RALA: variants seen among roughly 807,000 people sequenced by gnomAD.
RALA encodes the protein RAS like proto-oncogene A.
A neutral mutation model predicts 24.0 loss-of-function variants in RALA; 5 were observed. The ratio of observed to expected loss-of-function variants is 0.21; its 90% CI spans 0.11 to 0.44. The LOEUF is 0.44. Among genes scored for constraint, RALA ranks in the 20% least tolerant of loss-of-function variants. The pLI is 0.99. For missense variants in RALA, 95 were observed against 241.2 expected, an observed-to-expected ratio of 0.39 and a Z score of 4.01; for synonymous variants, 77 against 83.8, an observed-to-expected ratio of 0.92 and a Z score of 0.44.
At position 39,707,926 on chromosome 7, in the gene RALA, T is replaced by C. The variant is rs528761208; in HGVS notation, c.*1681T>C. On this transcript the variant is annotated 3_prime_UTR_variant, in exon 5 of 5. Transcript: ENST00000005257. ...GCCCAGCAATCTCCATGTGTACTTA[T>C]TACAGTCTTATTTAACCAGGGGTCC... 9 of 152,784 alleles carry C rather than the reference T, an allele frequency of 5.9e-5. No individual in the cohort carries two copies. In the East Asian group the frequency reaches 7.7e-4, roughly 13 times the overall value. 9.5% of individuals were successfully genotyped at this position (152,784 alleles called of 1,614,324 possible).
At chr7:39,694,975 C>G (rs1792893058) in intron 3 of RALA, among the ~76,000 whole-genome samples, 2 of 151,752 alleles carry the variant, frequency 1.3e-5, no homozygotes, top group African/African-American at 4.8e-5. Flanking sequence ...AAGAGAATTG[C>G]TTGAGCCCAG....
intron 1 of RALA, among the ~76,000 whole-genome samples, chr7:39,651,966 A>G (rs1451770660): frequency 6.6e-6 from 1 of 152,190 alleles, no homozygotes; most frequent in African/African-American, 2.4e-5. Context: ...GTCTCAGTCC[A>G]TTTCCTGCTG....
chr7:39,682,929 T>A (rs1792632682), intron 1 of RALA, among the ~76,000 whole-genome samples: 1 of 152,170 alleles, frequency 6.6e-6, no homozygotes, highest in Admixed American at 6.5e-5. Flanking sequence ...CATGAGCCAC[T>A]GCACCTGGCC....
intron 2 of RALA, among the ~76,000 whole-genome samples, chr7:39,689,518 A>G (rs893967075): frequency 1.3e-5 from 2 of 152,264 alleles, no homozygotes; most frequent in Non-Finnish European, 2.9e-5. Context: ...GACAAGATAC[A>G]GTCATAGCAA....
At chr7:39,642,233 T>A (rs1011927301) in intron 1 of RALA, among the ~76,000 whole-genome samples, 1 of 152,158 alleles carries the variant, frequency 6.6e-6, no homozygotes, top group Admixed American at 6.5e-5. Context: ...CTGGTTTATA[T>A]AGCATCTTCA....
At position 39,667,272 on chromosome 7, in the gene RALA, A is replaced by T. The variant is rs557140450; in HGVS notation, c.-37-19359A>T. On this transcript the variant is annotated intron_variant, in intron 1 of 4. Transcript: ENST00000005257. The stretch of plus-strand genomic sequence containing the variant: ...CAAATCAAGTCAACTCAGGATTTTA[A>T]CTCAAGTTCATGGTAATGAAAGCCA... Among the ~76,000 whole-genome samples the T allele has an allele frequency of 2.4e-3, 371 of 152,332 alleles. 2 individuals are homozygous for T. Among genetic ancestry groups the T allele is most frequent in the African/African-American group, 8.7e-3 (361 of 41,578 alleles).
At chr7:39,643,519 G>C (rs1360789769) in intron 1 of RALA, among the ~76,000 whole-genome samples, 1 of 152,130 alleles carries the variant, frequency 6.6e-6, no homozygotes, top group Non-Finnish European at 1.5e-5. Context: ...TCAGGAGTTC[G>C]AGACTAGCCT....
chr7:39,633,747 C>A (rs1266356040), intron 1 of RALA, among the ~76,000 whole-genome samples: 1 of 152,138 alleles, frequency 6.6e-6, no homozygotes, highest in Non-Finnish European at 1.5e-5. Flanking sequence ...TGAGGCAGTT[C>A]TTTCTCCAGG....
chr7:39,696,295 T>C (rs569650102), intron 3 of RALA, among the ~76,000 whole-genome samples: 1 of 152,288 alleles, frequency 6.6e-6, no homozygotes, highest in Non-Finnish European at 1.5e-5. Flanking sequence ...ACTTTAATCA[T>C]GAGGAAAACA....
chr7:39,688,385 C>A (rs1363184715), intron 2 of RALA, among the ~76,000 whole-genome samples: 4 of 116,404 alleles, frequency 3.4e-5, no homozygotes, highest in African/African-American at 1.6e-4. Flanking sequence ...CAGAGCAAGA[C>A]CCCTGTCTCT....
chr7:39,629,563 C>T (rs556686232), intron 1 of RALA, among the ~76,000 whole-genome samples: 44 of 149,094 alleles, frequency 3.0e-4, no homozygotes, highest in Non-Finnish European at 4.2e-4. Context: ...TACAGGTGCA[C>T]GCCACCACGC....
At chr7:39,638,199 AGT>A (rs1472575220) in intron 1 of RALA, among the ~76,000 whole-genome samples, 4 of 152,178 alleles carry the variant, frequency 2.6e-5, no homozygotes, top group Non-Finnish European at 5.9e-5. Flanking sequence ...CCTGGCCTCA[AGT>A]GATCCTGCTG....
At chr7:39,689,083 T>C (rs905572186) in intron 2 of RALA, among the ~76,000 whole-genome samples, 1 of 152,202 alleles carries the variant, frequency 6.6e-6, no homozygotes, top group Admixed American at 6.5e-5. Flanking sequence ...TCTGCCCCCA[T>C]GATCCAGTCA....
chr7:39,630,861 A>G (rs1216871529), intron 1 of RALA, among the ~76,000 whole-genome samples: 3 of 152,192 alleles, frequency 2.0e-5, no homozygotes, highest in African/African-American at 4.8e-5. Flanking sequence ...CATTTTAATC[A>G]TAGAGGCTTT....
chr7:39,642,551 G>A (rs191143261), intron 1 of RALA, among the ~76,000 whole-genome samples: 1 of 152,184 alleles, frequency 6.6e-6, no homozygotes, highest in East Asian at 1.9e-4. Flanking sequence ...ATATTTTGGG[G>A]TTATATATTC....
Position 39,696,570 on chromosome 7 carries a change from T to G in RALA, c.324-115T>G, listed in dbSNP as rs976723836. Reference sequence around the variant, plus strand: ...TCGATATTGGTTCATTAATTGTGATTTGTGTACCACAGTAGTAGATGTTAA... The same window carrying G: ...TCGATATTGGTTCATTAATTGTGATGTGTGTACCACAGTAGTAGATGTTAA... On this transcript the variant is annotated intron_variant, in intron 3 of 4. Coordinates refer to ENST00000005257, the MANE Select transcript of RALA (RefSeq NM_005402.4). 35 of 768,854 alleles carry G rather than the reference T, an allele frequency of 4.6e-5. No individual in the cohort carries two copies. The African/African-American group carries it at 5.9e-4, about 13-fold the overall frequency. The allele number at this position is 768,854 out of a possible 1,614,324, so 47.6% of individuals were successfully genotyped here.
chr7:39,636,142 TA>T (rs1022165815), intron 1 of RALA, among the ~76,000 whole-genome samples: 4 of 152,244 alleles, frequency 2.6e-5, no homozygotes, highest in African/African-American at 7.2e-5. Context: ...CTTTGGGGCT[TA>T]TATTGAATAA....
At chr7:39,651,574 C>T (rs940319935) in intron 1 of RALA, among the ~76,000 whole-genome samples, 1 of 151,862 alleles carries the variant, frequency 6.6e-6, no homozygotes, top group Admixed American at 6.6e-5. Flanking sequence ...TCCTTTTTCA[C>T]TAAGCTTTTT....
chr7:39,679,103 T>G (rs73689260), intron 1 of RALA, among the ~76,000 whole-genome samples: 2,329 of 152,122 alleles, frequency 0.015, 66 homozygotes, highest in African/African-American at 0.053. Flanking sequence ...AGCTCTGTGT[T>G]GGAGTTCCTT....
Sources: allele counts gnomAD v4.1 joint callset (sites outside exome capture counted in the v4.1 genomes callset), GRCh38; gene constraint gnomAD v4.1.1; transcripts MANE v1.5; gene names NCBI Gene and HGNC (gene_info 2026-07-23, HGNC 2026-07-21).